Variants in PACRG observed in about 807,000 individuals in gnomAD.
PACRG encodes the protein parkin coregulated, also known as parkin coregulated gene protein.
A neutral mutation model predicts 29.7 loss-of-function variants in PACRG; 29 were observed. The ratio of observed to expected loss-of-function variants is 0.98; its 90% CI spans 0.73 to 1.33. PACRG has a LOEUF of 1.33. Ranked by LOEUF, PACRG falls within the 40% of genes most tolerant of loss-of-function variation. The pLI is 0.00. For missense variants in PACRG, 279 were observed against 316.2 expected, an observed-to-expected ratio of 0.88 and a Z score of 0.89; for synonymous variants, 116 against 118.7, an observed-to-expected ratio of 0.98 and a Z score of 0.15.
intron 4 of PACRG, among the ~76,000 whole-genome samples, chr6:163,121,813 C>T (rs1395842431): frequency 1.3e-5 from 2 of 151,904 alleles, no homozygotes; most frequent in African/African-American, 4.8e-5. Flanking sequence ...CAGGTACCCG[C>T]CACCATGCCT....
chr6:163,075,984 C>T (rs1006070275), intron 3 of PACRG, among the ~76,000 whole-genome samples: 1 of 152,194 alleles, frequency 6.6e-6, no homozygotes, highest in Non-Finnish European at 1.5e-5. Context: ...AGAAGGTCCA[C>T]CCTGGAAGGG....
At chr6:163,312,228 A>C (rs1022532861) in intron 4 of PACRG, among the ~76,000 whole-genome samples, 3 of 152,174 alleles carry the variant, frequency 2.0e-5, no homozygotes, top group Admixed American at 2.0e-4. Context: ...AGGGGCACAC[A>C]AAGATGAGCC....
At chr6:162,783,813 C>G (rs1784264113) in intron 1 of PACRG, among the ~76,000 whole-genome samples, 1 of 152,076 alleles carries the variant, frequency 6.6e-6, no homozygotes, top group African/African-American at 2.4e-5. Flanking sequence ...TGGAGTCCCT[C>G]TAACAGCATA....
At chr6:163,305,773 A>G (rs1785176281) in intron 4 of PACRG, among the ~76,000 whole-genome samples, 2 of 152,204 alleles carry the variant, frequency 1.3e-5, no homozygotes, top group African/African-American at 4.8e-5. Flanking sequence ...TGTCATAAAA[A>G]GTGATATTTT....
chr6:162,880,092 C>T (rs1793705953), intron 2 of PACRG, among the ~76,000 whole-genome samples: 1 of 152,154 alleles, frequency 6.6e-6, no homozygotes, highest in South Asian at 2.1e-4. Context: ...TCCTCCAACA[C>T]CCCCTTCTGT....
At chr6:163,215,719 G>T (rs1392590161) in intron 4 of PACRG, among the ~76,000 whole-genome samples, 1 of 152,136 alleles carries the variant, frequency 6.6e-6, no homozygotes, top group Non-Finnish European at 1.5e-5. Flanking sequence ...ACGAGTAATG[G>T]CCCCTGGTGG....
chr6:163,266,871 C>T (rs140473998), intron 4 of PACRG, among the ~76,000 whole-genome samples: 59 of 152,248 alleles, frequency 3.9e-4, no homozygotes, highest in African/African-American at 1.3e-3. Context: ...TCCCTCTTCC[C>T]GGGCAGCACC....
intron 2 of PACRG, among the ~76,000 whole-genome samples, chr6:162,997,795 C>T (rs1014954193): frequency 6.6e-6 from 1 of 152,224 alleles, no homozygotes; most frequent in African/African-American, 2.4e-5. Context: ...GCTATATTAA[C>T]TTGACACTAT....
chr6:163,290,834 G>A (rs1242943861), intron 4 of PACRG, among the ~76,000 whole-genome samples: 1 of 152,280 alleles, frequency 6.6e-6, no homozygotes, highest in East Asian at 1.9e-4. Context: ...AATCGGATGC[G>A]CATGAGTTCA....
Position 162,833,779 on chromosome 6 carries a change from A to G in PACRG, c.291+19498A>G, listed in dbSNP as rs191665200. ...TTGAATTTTTAGGACTTTTTTCAGT[A>G]TAACAGTTTTACTTTTACTGATGAT... On this transcript the variant is annotated intron_variant, in intron 2 of 4. Transcript: ENST00000366888. 1.8e-4 allele frequency among the ~76,000 whole-genome samples: 27 copies of G among 152,298 alleles called. No homozygotes were observed. In the East Asian group the frequency reaches 3.1e-3, roughly 17 times the overall value.
intron 4 of PACRG, among the ~76,000 whole-genome samples, chr6:163,169,682 G>A (rs1272192096): frequency 6.6e-6 from 1 of 152,248 alleles, no homozygotes; most frequent in African/African-American, 2.4e-5. Flanking sequence ...CAAAGGCCAT[G>A]TCTAGAATGT....
At chr6:163,029,709 A>C (rs1807478054) in intron 2 of PACRG, among the ~76,000 whole-genome samples, 1 of 152,108 alleles carries the variant, frequency 6.6e-6, no homozygotes, top group Admixed American at 6.5e-5. Flanking sequence ...AGCCCCTGCA[A>C]CCATTCTGTG....
chr6:162,981,574 A>G (rs1041172322), intron 2 of PACRG, among the ~76,000 whole-genome samples: 7 of 151,888 alleles, frequency 4.6e-5, no homozygotes, highest in Non-Finnish European at 8.8e-5. Flanking sequence ...TTCTGTAAAG[A>G]AAGATGGTGG....
rs1779700406 is a variant in PACRG, at chr6:163,182,032, A to C, written c.613+92624A>C. 2.6e-5 allele frequency among the ~76,000 whole-genome samples: 4 copies of C among 152,198 alleles called. No individual in the cohort carries two copies. The South Asian group carries it at 8.3e-4, about 31-fold the overall frequency. ...GCGTTACCTCTCTTAGGTAGGGTGT[A>C]AGGATTCTTAGTCAAATTTCAACTC... On this transcript the variant is annotated intron_variant, in intron 4 of 4. Transcript: ENST00000366888.
intron 4 of PACRG, among the ~76,000 whole-genome samples, chr6:163,217,551 C>T (rs1329347406): frequency 5.3e-5 from 8 of 152,204 alleles, no homozygotes; most frequent in Admixed American, 3.9e-4. Flanking sequence ...AGCCCCCGGG[C>T]CATGGACTGG....
At chr6:162,733,464 A>G (rs569235123) in intron 1 of PACRG, among the ~76,000 whole-genome samples, 1 of 152,260 alleles carries the variant, frequency 6.6e-6, no homozygotes, top group South Asian at 2.1e-4. Context: ...CTTTCTTATT[A>G]TAATTGTTAT....
intron 2 of PACRG, among the ~76,000 whole-genome samples, chr6:163,000,818 T>C (rs1410658424): frequency 6.6e-6 from 1 of 152,218 alleles, no homozygotes; most frequent in Non-Finnish European, 1.5e-5. Context: ...AGATGCAGTC[T>C]CTACCCTTGG....
intron 2 of PACRG, among the ~76,000 whole-genome samples, chr6:163,060,096 A>G (rs1462857199): frequency 6.6e-6 from 1 of 152,192 alleles, no homozygotes; most frequent in African/African-American, 2.4e-5. Flanking sequence ...AGAAAAAAGT[A>G]AATAAAAAAC....
intron 4 of PACRG, among the ~76,000 whole-genome samples, chr6:163,231,169 G>A (rs558982905): frequency 7.2e-5 from 11 of 152,302 alleles, no homozygotes; most frequent in South Asian, 2.1e-4. Flanking sequence ...CGGGGGAGCC[G>A]TGGCTTGCTG....
Sources: gnomAD v4.1 joint callset for allele counts (sites outside exome capture counted in the v4.1 genomes callset) on GRCh38, gnomAD v4.1.1 for gene constraint, MANE v1.5 for transcripts, NCBI Gene and HGNC (gene_info 2026-07-23, HGNC 2026-07-21) for gene names.